Variants in AKT3 observed in about 807,000 individuals in gnomAD.
AKT3 encodes RAC-gamma serine/threonine-protein kinase.
Under a neutral mutation model 65.3 loss-of-function variants are expected in AKT3, and 15 were observed. That is an observed-to-expected ratio of 0.23 (90% confidence interval 0.15 to 0.35). AKT3 has a LOEUF of 0.35. AKT3 is among the 10% of genes least tolerant of loss of function. The pLI is 1.00. For missense variants in AKT3, 243 were observed against 576.5 expected, an observed-to-expected ratio of 0.42 and a Z score of 5.92; for synonymous variants, 206 against 183.8, an observed-to-expected ratio of 1.12 and a Z score of -0.98.
Position 243,705,426 on chromosome 1 carries a change from C to T in AKT3, c.47-9710G>A, listed in dbSNP as rs564708952. ...CAGAAAACTGCATAATTATCATCTA[C>T]CCTTAAGTATTCTGGTATTTGTTTC... is the stretch of plus-strand genomic sequence containing the variant. On this transcript the variant is annotated intron_variant, in intron 2 of 13. Coordinates refer to ENST00000673466, the MANE Select transcript of AKT3 (RefSeq NM_005465.7). Among the ~76,000 whole-genome samples the T allele has an allele frequency of 1.5e-4, 23 of 152,246 alleles. No homozygotes were observed. The South Asian group carries it at 4.6e-3, about 30-fold the overall frequency.
intron 4 of AKT3, among the ~76,000 whole-genome samples, chr1:243,662,597 T>C (rs1436078424): frequency 2.7e-5 from 4 of 149,886 alleles, no homozygotes; most frequent in Admixed American, 1.3e-4. Context: ...GGGAGATATA[T>C]CTAATGCTAG....
intron 6 of AKT3, among the ~76,000 whole-genome samples, chr1:243,636,155 G>A (rs1423147564): frequency 3.3e-5 from 5 of 151,976 alleles, no homozygotes; most frequent in Non-Finnish European, 7.4e-5. Flanking sequence ...ACTGATGCTT[G>A]ATACACAGTA....
intron 13 of AKT3, among the ~76,000 whole-genome samples, chr1:243,494,130 ATAAAT>A (rs1667237356): frequency 6.6e-6 from 1 of 152,266 alleles, no homozygotes; most frequent in African/African-American, 2.4e-5. Context: ...ATTGAATAAA[ATAAAT>A]TAAAAAGCCT....
intron 9 of AKT3, among the ~76,000 whole-genome samples, chr1:243,567,924 C>T (rs968907266): frequency 6.6e-6 from 1 of 152,116 alleles, no homozygotes; most frequent in African/African-American, 2.4e-5. Context: ...CTGCAGAATG[C>T]ACAGAAACAC....
intron 10 of AKT3, among the ~76,000 whole-genome samples, chr1:243,556,968 T>A: frequency 6.6e-6 from 1 of 152,126 alleles, no homozygotes. Flanking sequence ...TAATAGTTCT[T>A]AAGTGACAGC....
chr1:243,843,659 T>TG, intron 1 of AKT3: 3 of 860,490 alleles, frequency 3.5e-6, no homozygotes, highest in Non-Finnish European at 4.2e-6. Flanking sequence ...ATTTTTTGTT[T>TG]TTTTTTTTTT....
intron 2 of AKT3, among the ~76,000 whole-genome samples, chr1:243,758,606 G>C (rs1689290861): frequency 6.6e-6 from 1 of 152,254 alleles, no homozygotes; most frequent in Non-Finnish European, 1.5e-5. Flanking sequence ...ATAGACCTTG[G>C]AAGAGGTAGG....
At chr1:243,685,597 T>C (rs1253300453) in intron 3 of AKT3, among the ~76,000 whole-genome samples, 2 of 152,164 alleles carry the variant, frequency 1.3e-5, no homozygotes, top group East Asian at 3.9e-4. Flanking sequence ...TAGTATAGTA[T>C]GAAGTCAGGT....
intron 2 of AKT3, among the ~76,000 whole-genome samples, chr1:243,833,061 A>G (rs1393140997): frequency 1.3e-5 from 2 of 152,086 alleles, no homozygotes; most frequent in Non-Finnish European, 2.9e-5. Flanking sequence ...GGAGTTCGAG[A>G]CCAGCCTGGC....
chr1:243,567,884 C>A (rs1443194390), intron 9 of AKT3, among the ~76,000 whole-genome samples: 1 of 152,112 alleles, frequency 6.6e-6, no homozygotes, highest in Non-Finnish European at 1.5e-5. Flanking sequence ...CTGTAAAATA[C>A]AAGGACCATT....
chr1:243,766,257 T>C (rs1200877851), intron 2 of AKT3, among the ~76,000 whole-genome samples: 1 of 152,178 alleles, frequency 6.6e-6, no homozygotes, highest in Non-Finnish European at 1.5e-5. Flanking sequence ...CATCCATTCA[T>C]ATTCAATAAA....
intron 13 of AKT3, among the ~76,000 whole-genome samples, chr1:243,493,547 G>C (rs1302244039): frequency 6.6e-6 from 1 of 152,010 alleles, no homozygotes; most frequent in Non-Finnish European, 1.5e-5. Flanking sequence ...ATCCTGAGCA[G>C]GCTGCTTGGT....
chr1:243,508,153 T>G (rs1034478591), intron 13 of AKT3, among the ~76,000 whole-genome samples: 1 of 152,230 alleles, frequency 6.6e-6, no homozygotes, highest in African/African-American at 2.4e-5. Flanking sequence ...AGAAAAAGGT[T>G]ATGTTGAATG....
chr1:243,726,197 G>A (rs1008531340), intron 2 of AKT3, among the ~76,000 whole-genome samples: 8 of 152,086 alleles, frequency 5.3e-5, no homozygotes, highest in African/African-American at 1.9e-4. Context: ...GTTAACCCAC[G>A]CCCCAATATG....
chr1:243,675,486 C>A (rs1480753901), intron 3 of AKT3, among the ~76,000 whole-genome samples: 1 of 152,216 alleles, frequency 6.6e-6, no homozygotes, highest in African/African-American at 2.4e-5. Context: ...CAGGCGTGAG[C>A]CACTACATCC....
Position 243,850,090 on chromosome 1 carries a change from C to A in AKT3, c.-163G>T. 3.1e-6 allele frequency: 1 copy of A among 319,736 alleles called. No individual in the cohort carries two copies. The highest frequency in any genetic ancestry group is 4.0e-6 in the Non-Finnish European group (1 of 248,252). The allele number at this position is 319,736 out of a possible 1,614,324, so 19.8% of individuals were successfully genotyped here. On this transcript the variant is annotated 5_prime_UTR_variant, in exon 1 of 14. Coordinates refer to ENST00000673466, the MANE Select transcript of AKT3 (RefSeq NM_005465.7). ...GGCCCCGCAGCTGCTCGGGCGGCGG[C>A]GGAGGATGGAGCCGGGGGGGGGCGG...
chr1:243,719,019 A>T (rs1487593984), intron 2 of AKT3, among the ~76,000 whole-genome samples: 1 of 151,882 alleles, frequency 6.6e-6, no homozygotes, highest in Non-Finnish European at 1.5e-5. Flanking sequence ...TAAGGGAATG[A>T]CTCATTAGGG....
At chr1:243,660,512 C>T (rs1382939097) in intron 4 of AKT3, among the ~76,000 whole-genome samples, 5 of 152,112 alleles carry the variant, frequency 3.3e-5, no homozygotes, top group African/African-American at 1.2e-4. Flanking sequence ...ATTCAACAAC[C>T]CTTCATGCTA....
intron 2 of AKT3, among the ~76,000 whole-genome samples, chr1:243,711,447 T>C (rs1686152916): frequency 1.3e-5 from 2 of 152,216 alleles, no homozygotes; most frequent in Admixed American, 1.3e-4. Flanking sequence ...AATAATTTAT[T>C]TCCCTCCACA....
Sources: gnomAD v4.1 joint callset for allele counts (sites outside exome capture counted in the v4.1 genomes callset) on GRCh38, gnomAD v4.1.1 for gene constraint, MANE v1.5 for transcripts, NCBI Gene and HGNC (gene_info 2026-07-23, HGNC 2026-07-21) for gene names.